Variants in NUP160 observed in about 807,000 individuals in gnomAD.
The protein encoded by NUP160 is nuclear pore complex protein Nup160.
In NUP160, 94 loss-of-function variants were observed where a neutral mutation model predicts 196.9. The ratio of observed to expected loss-of-function variants is 0.48; its 90% CI spans 0.40 to 0.57. The LOEUF (loss-of-function observed/expected upper bound fraction) is 0.57. Among genes scored for constraint, NUP160 ranks in the 20% least tolerant of loss-of-function variants. NUP160 has a pLI of 0.00. For synonymous variants in NUP160, 605 were observed against 619.7 expected (o/e 0.98, Z 0.35); for missense variants, 1,638 against 1,748.3 (o/e 0.94, Z 1.13).
At chr11:47,805,811 T>C (rs1599320263) in intron 20 of NUP160, among the ~76,000 whole-genome samples, 1 of 152,028 alleles carries the variant, frequency 6.6e-6, no homozygotes, top group South Asian at 2.1e-4. Flanking sequence ...TTAGACTATT[T>C]AGATAGAAGA....
intron 35 of NUP160, chr11:47,779,479 G>A: frequency 4.1e-6 from 2 of 491,476 alleles, no homozygotes; most frequent in East Asian, 4.9e-5. Flanking sequence ...TCTTTTCTCA[G>A]AACCAGAAAT....
chr11:47,797,936 C>T (rs1198398811), intron 26 of NUP160, 42 bp downstream of exon 26: 1 of 1,551,986 alleles, frequency 6.4e-7, no homozygotes, highest in African/African-American at 1.4e-5. Context: ...TCATGGCAAC[C>T]ACCATACTTG....
chr11:47,829,691 T>G (rs1302272190), intron 7 of NUP160, among the ~76,000 whole-genome samples: 1 of 152,130 alleles, frequency 6.6e-6, no homozygotes, highest in African/African-American at 2.4e-5. Flanking sequence ...CTGGATCCCT[T>G]CCTTACACGA....
At chr11:47,783,020 G>A in intron 34 of NUP160, 53 bp downstream of exon 34, 1 of 1,503,178 alleles carries the variant, frequency 6.7e-7, no homozygotes, top group Admixed American at 1.8e-5. Flanking sequence ...CTGTAAAGTT[G>A]AAAAATCGTA....
chr11:47,781,463 C>G (rs1190017638), intron 34 of NUP160, among the ~76,000 whole-genome samples: 1 of 151,990 alleles, frequency 6.6e-6, no homozygotes, highest in East Asian at 1.9e-4. Flanking sequence ...AAGGTTCTCA[C>G]TATGTTGCCA....
At chr11:47,805,293 C>A (rs2097676826) in intron 20 of NUP160, among the ~76,000 whole-genome samples, 1 of 151,998 alleles carries the variant, frequency 6.6e-6, no homozygotes, top group Non-Finnish European at 1.5e-5. Flanking sequence ...CCAAGCCCAG[C>A]TAATTTTAGT....
At chr11:47,835,844 G>A in intron 6 of NUP160, 35 bp from the exon 7 acceptor site, 1 of 1,487,896 alleles carries the variant, frequency 6.7e-7, no homozygotes, top group Non-Finnish European at 9.1e-7. Flanking sequence ...TGATATTCAA[G>A]GGATATTCAG....
intron 2 of NUP160, among the ~76,000 whole-genome samples, chr11:47,842,570 C>T (rs1273565672): frequency 2.0e-5 from 3 of 152,084 alleles, no homozygotes; most frequent in African/African-American, 7.2e-5. Context: ...CTCTGCTACC[C>T]GAATCACTCA....
intron 23 of NUP160, among the ~76,000 whole-genome samples, chr11:47,801,496 C>A (rs935591162): frequency 6.6e-6 from 1 of 151,970 alleles, no homozygotes; most frequent in Non-Finnish European, 1.5e-5. Flanking sequence ...ATTACAGGCA[C>A]CCGCCACCAC....
At chr11:47,843,743 A>G (rs1327162357) in intron 2 of NUP160, among the ~76,000 whole-genome samples, 2 of 152,220 alleles carry the variant, frequency 1.3e-5, no homozygotes, top group Non-Finnish European at 2.9e-5. Flanking sequence ...GCTGACAATA[A>G]TAGTGCAGAA....
chr11:47,808,346 TA>T (rs756257065), intron 18 of NUP160, 49 bp downstream of exon 18: 2 of 1,542,112 alleles, frequency 1.3e-6, no homozygotes, highest in South Asian at 2.3e-5. Flanking sequence ...AGGGGAAAAA[TA>T]ATTAAACTCA....
exon 35 of NUP160, chr11:47,780,393 G>T: frequency 1.2e-6 from 2 of 1,613,832 alleles, no homozygotes; most frequent in South Asian, 2.2e-5. Context: ...TGGAGAAGCT[G>T]ATCAATAGAG....
At chr11:47,829,374 C>T (rs1316234695) in intron 7 of NUP160, among the ~76,000 whole-genome samples, 4 of 152,120 alleles carry the variant, frequency 2.6e-5, no homozygotes, top group South Asian at 2.1e-4. Context: ...GGTGCGATCC[C>T]GGCTCACTGC....
In NUP160 at chr11:47,831,894, C is replaced by CTTT. The variant is rs554204043; in HGVS notation, c.1101+3754_1101+3756dup. Among the ~76,000 whole-genome samples the CTTT allele has an allele frequency of 1.1e-3, 80 of 69,982 alleles. 3 individuals are homozygous for CTTT. Among genetic ancestry groups the CTTT allele is most frequent in the African/African-American group, 4.5e-3 (73 of 16,194 alleles). 45.9% of individuals were successfully genotyped at this position (69,982 alleles called of 152,430 possible). The stretch of plus-strand genomic sequence containing the variant: ...GAGACAGATCTGATCTAATAAATTC[C>CTTT]TTTTTTTTTTTTTTTTTTTTTTTTT... On this transcript the variant is annotated intron_variant, in intron 7 of 35. Transcript: ENST00000378460.
intron 35 of NUP160, among the ~76,000 whole-genome samples, chr11:47,780,107 G>A (rs1009760594): frequency 1.1e-4 from 17 of 152,142 alleles, no homozygotes; most frequent in Admixed American, 9.8e-4. Context: ...AGGATGGACC[G>A]ACTGCTTGCC....
chr11:47,806,253 T>G (rs775127473), exon 20 of NUP160: 4 of 1,613,638 alleles, frequency 2.5e-6, no homozygotes, highest in Non-Finnish European at 3.4e-6. Context: ...AGGTGAGATA[T>G]AATGTGTTTT....
rs545355072 is a variant in NUP160 at position 47,797,453 on chromosome 11, G to A, written c.3289+326C>T. The stretch of plus-strand genomic sequence containing the variant: ...GGGGTTTCGCCATGTTGGCCAGGCT[G>A]GTCTCGAACTCCTGACCTCAGGTGA... On this transcript the variant is annotated intron_variant, in intron 27 of 35. Transcript: ENST00000378460. Among the ~76,000 whole-genome samples the A allele has an allele frequency of 6.6e-5, 10 of 152,252 alleles. No homozygotes were observed. In the East Asian group the frequency reaches 1.9e-3, roughly 29 times the overall value.
intron 7 of NUP160, among the ~76,000 whole-genome samples, chr11:47,822,838 T>C (rs545995892): frequency 3.9e-5 from 6 of 152,258 alleles, no homozygotes; most frequent in South Asian, 2.1e-4. Context: ...TCTGTCCTTG[T>C]GATAGTTTTC....
intron 35 of NUP160, chr11:47,779,622 T>C (rs368951704): frequency 6.2e-4 from 315 of 509,476 alleles, no homozygotes; most frequent in Non-Finnish European, 9.4e-4. Context: ...GGAAACACTA[T>C]TGTTTTTTAT....
Sources: gnomAD v4.1 joint callset for allele counts (sites outside exome capture counted in the v4.1 genomes callset) on GRCh38, gnomAD v4.1.1 for gene constraint, MANE v1.5 for transcripts, NCBI Gene and HGNC (gene_info 2026-07-23, HGNC 2026-07-21) for gene names.